VDR: variants seen among roughly 807,000 people sequenced by gnomAD.
VDR encodes vitamin D receptor, also known as vitamin D3 receptor.
A neutral mutation model predicts 39.7 loss-of-function variants in VDR; 19 were observed. The observed-to-expected ratio is 0.48, with a 90% confidence interval of 0.33 to 0.70. VDR has a LOEUF of 0.70. Ranked by LOEUF, VDR falls within the 30% of genes least tolerant of loss-of-function variation. The probability of loss-of-function intolerance (pLI) is 0.02; values close to 1 mark genes in which losing one functional copy is unlikely to be tolerated. For synonymous variants in VDR, 242 were observed against 215.8 expected (o/e 1.12, Z -1.07); for missense variants, 442 against 570.5 (o/e 0.77, Z 2.29).
intron 7 of VDR, among the ~76,000 whole-genome samples, chr12:47,848,561 T>C (rs1276162604): frequency 3.2e-5 from 1 of 31,048 alleles, no homozygotes; most frequent in Non-Finnish European, 7.4e-5. Context: ...ACTCCTTTTT[T>C]TTTTTTTTTT....
chr12:47,845,060 C>A (rs1945253712), intron 9 of VDR, 55 bp from the exon 10 acceptor site: 19 of 1,599,840 alleles, frequency 1.2e-5, no homozygotes, highest in East Asian at 2.2e-5. Flanking sequence ...GGGCCCCTCA[C>A]TGCTCAATCC....
intron 2 of VDR, among the ~76,000 whole-genome samples, chr12:47,879,550 C>T (rs1946098381): frequency 6.6e-6 from 1 of 152,180 alleles, no homozygotes; most frequent in Non-Finnish European, 1.5e-5. Context: ...GCCCAACGCC[C>T]CCTCCAAGGG....
Position 47,855,792 on chromosome 12 carries a change from T to C in VDR, c.593A>G (p.Asp198Gly). The C allele has an allele frequency of 6.2e-7, 1 of 1,613,798 alleles. No homozygotes were observed. ...DHCITSSDMM[D>G]SSSFSNLDLS... ...ATCCAGATTGGAGAAGCTGGACGAGTCCATCATGTCTGGGAGAGATGAGGG... is the reference window on the plus strand; with the variant it reads ...ATCCAGATTGGAGAAGCTGGACGAGCCCATCATGTCTGGGAGAGATGAGGG... Residue 198 changes from aspartate to glycine, a missense_variant, in exon 7 of 10, where the codon GAC (aspartate) becomes GGC (glycine). Physicochemically the swap from Asp to Gly is moderately conservative, Grantham distance 94. Transcript: ENST00000549336.
chr12:47,899,918 A>G, intron 1 of VDR: 2 of 985,644 alleles, frequency 2.0e-6, no homozygotes, highest in Non-Finnish European at 2.4e-6. Context: ...AGAGGAGGCT[A>G]GAGTCCATTT....
intron 3 of VDR, among the ~76,000 whole-genome samples, chr12:47,873,236 G>GTC (rs1441072962): frequency 6.6e-6 from 1 of 151,388 alleles, no homozygotes. Context: ...CTTGCTCTCT[G>GTC]TCTCTCCTGC....
At position 47,864,978 on chromosome 12, in the gene VDR, G is replaced by A. The variant is rs113319923; in HGVS notation, c.277+69C>T. On this transcript the variant is annotated intron_variant, in intron 4 of 9. Coordinates refer to ENST00000549336, the MANE Select transcript of VDR (RefSeq NM_000376.3). ...GGCAGACCCTCTGCCCAAACTTGCA[G>A]GAGAGTGGCCAAGGCCTTTCCCTGA... is the stretch of plus-strand genomic sequence containing the variant. 2.7e-5 allele frequency: 43 copies of A among 1,604,598 alleles called. 1 individual carries two copies. In the African/African-American group the frequency reaches 4.0e-4, roughly 15 times the overall value.
At position 47,844,337 on chromosome 12, in the gene VDR, C is replaced by T. The variant is rs11574118; in HGVS notation, c.*409G>A. On this transcript the variant is annotated 3_prime_UTR_variant, in exon 10 of 10. Transcript: ENST00000549336. The stretch of plus-strand genomic sequence containing the variant: ...GAGGGAGACCCCACTAGGCGCTGGA[C>T]AAGCGGGGCCTGCAGTGGGGGGAGG... 2,513 of 325,270 alleles carry T rather than the reference C, an allele frequency of 7.7e-3. 50 individuals carry two copies. The highest frequency in any genetic ancestry group is 0.045 in the African/African-American group (2,111 of 47,122). 20.1% of individuals were successfully genotyped at this position (325,270 alleles called of 1,614,324 possible). A position where few individuals can be genotyped will look rare whatever the true frequency, so the allele number is the denominator to read the frequency against.
chr12:47,882,997 G>A, intron 1 of VDR: 1 of 502,578 alleles, frequency 2.0e-6, no homozygotes, highest in Admixed American at 3.9e-5. Context: ...CTCGAGGCAG[G>A]GAGTAGCAGG....
chr12:47,901,445 A>G (rs529342662), intron 1 of VDR: 13 of 155,864 alleles, frequency 8.3e-5, no homozygotes, highest in South Asian at 4.1e-4. Flanking sequence ...CATTTCCCCA[A>G]TAGTCAGACC....
intron 3 of VDR, among the ~76,000 whole-genome samples, chr12:47,869,740 A>T (rs1008057825): frequency 2.6e-5 from 4 of 151,808 alleles, no homozygotes; most frequent in East Asian, 1.9e-4. Flanking sequence ...ACAAAAGATT[A>T]AAAAAAATTA....
chr12:47,857,917 G>T (rs1213866444), intron 4 of VDR, among the ~76,000 whole-genome samples: 1 of 152,166 alleles, frequency 6.6e-6, no homozygotes, highest in Non-Finnish European at 1.5e-5. Flanking sequence ...ATTTGAGAGG[G>T]GGGATGATCT....
At position 47,879,098 on chromosome 12, in the gene VDR, C is replaced by T. The variant is rs1201137636; in HGVS notation, c.16G>A (p.Ala6Thr). The change falls in exon 3 of 10, where the codon GCC (alanine) becomes ACC (threonine). Residue 6 changes from alanine to threonine, a missense_variant. Transcript: ENST00000549336. ...CCAGGGTCAGGCAGGGAAGTGCTGG[C>T]CGCCATTGCCTCCATCCCTGTAAGA... The part of the protein sequence containing the change: MEAMA[A>T]STSLPDPGDF... The T allele has an allele frequency of 1.2e-6, 2 of 1,613,994 alleles. No individual in the cohort carries two copies. The highest frequency in any genetic ancestry group is 1.7e-6 in the Non-Finnish European group (2 of 1,179,934).
Position 47,846,737 on chromosome 12 carries a change from T to C in VDR, c.827A>G (p.Asn276Ser), listed in dbSNP as rs2137123079. 1 of 1,614,178 alleles carries C rather than the reference T, an allele frequency of 6.2e-7. No homozygotes were observed. The highest frequency in any genetic ancestry group is 1.1e-5 in the South Asian group (1 of 91,078). The change falls in exon 8 of 10, where the codon AAT becomes AGT. Residue 276 changes from asparagine (N) to serine (S), a missense_variant. Around this residue, in one of 5 missense-constraint regions of VDR, gnomAD observed 173 missense variants for 252.0 expected, o/e 0.69. Transcript: ENST00000549336. Reference sequence around the variant, plus strand: ...CATGTCGTCCATGGTGAAGGACTCATTGGAGCGCAACATGATGACCTCAAT... The same window carrying C: ...CATGTCGTCCATGGTGAAGGACTCACTGGAGCGCAACATGATGACCTCAAT... ...SAIEVIMLRS[N>S]ESFTMDDMSW...
intron 1 of VDR, among the ~76,000 whole-genome samples, chr12:47,895,716 AT>A (rs932672040): frequency 1.3e-5 from 2 of 151,944 alleles, no homozygotes; most frequent in East Asian, 1.9e-4. Context: ...TACACATTTC[AT>A]TTTTTTTAAA....
intron 6 of VDR, among the ~76,000 whole-genome samples, chr12:47,856,233 G>A (rs993720931): frequency 2.0e-5 from 3 of 152,204 alleles, no homozygotes; most frequent in Admixed American, 6.5e-5. Context: ...CAGGAAATTA[G>A]GCAATGCCTA....
intron 1 of VDR, chr12:47,901,571 G>A (rs961223658): frequency 3.2e-5 from 5 of 155,272 alleles, no homozygotes; most frequent in East Asian, 1.9e-4. Flanking sequence ...CTGATTATAG[G>A]TGACCTATGT....
At chr12:47,890,234 A>G (rs1946342131) in intron 1 of VDR, among the ~76,000 whole-genome samples, 1 of 151,636 alleles carries the variant, frequency 6.6e-6, no homozygotes, top group South Asian at 2.1e-4. Flanking sequence ...CTTATCCCAT[A>G]TTAGTATGAG....
chr12:47,891,631 G>A (rs11168287), intron 1 of VDR, among the ~76,000 whole-genome samples: 84,609 of 152,018 alleles, frequency 0.56, 24,582 homozygotes, highest in African/African-American at 0.73. Flanking sequence ...TCTCCTAACA[G>A]TCAGAGAAGC....
At position 47,865,238 on chromosome 12, in the gene VDR, T is replaced by C. The variant is rs373608251; in HGVS notation, c.147-61A>G. On this transcript the variant is annotated intron_variant, in intron 3 of 9. Transcript: ENST00000549336. The stretch of plus-strand genomic sequence containing the variant: ...GAACTTCCGGCTCCTCACCCTGTCA[T>C]CACGGAGACCTGTCTTCTGGGCCCC... 38 of 1,598,096 alleles carry C rather than the reference T, an allele frequency of 2.4e-5. No homozygotes were observed. In the East Asian group the frequency reaches 2.5e-4, roughly 10 times the overall value.
Sources: allele counts gnomAD v4.1 joint callset (sites outside exome capture counted in the v4.1 genomes callset), GRCh38; gene constraint gnomAD v4.1.1; regional missense constraint gnomAD v4.1.1; transcripts MANE v1.5; gene names NCBI Gene and HGNC (gene_info 2026-07-23, HGNC 2026-07-21).